The following AP4E1 variants were observed in gnomAD, a reference collection of about 807,000 sequenced individuals.
The protein encoded by AP4E1 is AP-4 complex subunit epsilon-1.
Under a neutral mutation model 128.2 loss-of-function variants are expected in AP4E1, and 56 were observed. The observed-to-expected ratio is 0.44, with a 90% confidence interval of 0.35 to 0.55. The LOEUF is 0.55. Among genes scored for constraint, AP4E1 ranks in the 20% least tolerant of loss-of-function variants. AP4E1 has a pLI of 0.00. For synonymous variants in AP4E1, 484 were observed against 473.1 expected, an observed-to-expected ratio of 1.02 and a Z score of -0.30; for missense variants, 1,324 against 1,307.7, an observed-to-expected ratio of 1.01 and a Z score of -0.19.
chr15:50,993,911 C>G (rs904725975), intron 17 of AP4E1, among the ~76,000 whole-genome samples: 5 of 152,154 alleles, frequency 3.3e-5, no homozygotes, highest in Non-Finnish European at 7.3e-5. Flanking sequence ...CACAGCCACT[C>G]TCACCCCTGT....
At chr15:50,929,600 G>A (rs182558671) in intron 6 of AP4E1, among the ~76,000 whole-genome samples, 2 of 152,188 alleles carry the variant, frequency 1.3e-5, no homozygotes, top group East Asian at 1.9e-4. Flanking sequence ...AGGGTTGAAT[G>A]TTATGGTAAA....
At position 51,002,764 on chromosome 15, in the gene AP4E1, G is replaced by A; in HGVS notation, c.*102G>A. On this transcript the variant is annotated 3_prime_UTR_variant, in exon 21 of 21. Transcript: ENST00000261842. Reference sequence around the variant, plus strand: ...CTCATGGTACTTCTAATGAAAATGGGGATTATTACAAGTGTGGTTTATATG... The same window carrying A: ...CTCATGGTACTTCTAATGAAAATGGAGATTATTACAAGTGTGGTTTATATG... 1 of 1,386,982 alleles carries A rather than the reference G, an allele frequency of 7.2e-7. No homozygotes were observed. The highest frequency in any genetic ancestry group is 1.0e-6 in the Non-Finnish European group (1 of 997,652). The allele number at this position is 1,386,982 out of a possible 1,614,324, so 85.9% of individuals were successfully genotyped here. A position where few individuals can be genotyped will look rare whatever the true frequency, so the allele number is the denominator to read the frequency against.
chr15:50,953,633 G>A (rs1050758147), intron 13 of AP4E1, among the ~76,000 whole-genome samples: 1 of 152,164 alleles, frequency 6.6e-6, no homozygotes, highest in Admixed American at 6.5e-5. Context: ...TTATATTGTA[G>A]TAAACCTTTA....
chr15:50,955,628 T>C (rs538892827), intron 13 of AP4E1, among the ~76,000 whole-genome samples: 39 of 152,322 alleles, frequency 2.6e-4, no homozygotes, highest in African/African-American at 8.7e-4. Context: ...GGGAAAATCC[T>C]GACTCCATCA....
rs532813237 is a variant in AP4E1 at position 50,912,811 on chromosome 15, C to T, written c.222+662C>T. ...CTGAGTAACTGGGACTACAGGTGCC[C>T]GCCACCATGCCTGGCTAATTTTTGT... On this transcript the variant is annotated intron_variant, in intron 2 of 20. Transcript: ENST00000261842. 2.6e-5 allele frequency among the ~76,000 whole-genome samples: 4 copies of T among 152,066 alleles called. No homozygotes were observed. The East Asian group carries it at 7.7e-4, about 29-fold the overall frequency.
At chr15:50,912,829 A>G (rs1377872058) in intron 2 of AP4E1, among the ~76,000 whole-genome samples, 1 of 151,950 alleles carries the variant, frequency 6.6e-6, no homozygotes, top group Non-Finnish European at 1.5e-5. Context: ...TGCCTGGCTA[A>G]TTTTTGTATT....
At chr15:50,908,050 C>A (rs1351544472), upstream of AP4E1, among the ~76,000 whole-genome samples, 2 of 152,194 alleles carry the variant, frequency 1.3e-5, no homozygotes, top group Middle Eastern at 3.2e-3. Flanking sequence ...CTGCGACCTG[C>A]TGAGGAGGAG....
intron 16 of AP4E1, among the ~76,000 whole-genome samples, chr15:50,989,246 A>G (rs1000512515): frequency 8.5e-5 from 13 of 152,196 alleles, no homozygotes; most frequent in African/African-American, 2.4e-4. Context: ...TAATGGCCGC[A>G]TTGTTGGAAT....
At chr15:50,936,631 T>C (rs2063911584) in intron 8 of AP4E1, among the ~76,000 whole-genome samples, 1 of 152,170 alleles carries the variant, frequency 6.6e-6, no homozygotes, top group South Asian at 2.1e-4. Flanking sequence ...TTTTCCAGAA[T>C]GACCCTTTTA....
At chr15:50,964,165 A>C (rs1309392406) in intron 14 of AP4E1, among the ~76,000 whole-genome samples, 1 of 152,192 alleles carries the variant, frequency 6.6e-6, no homozygotes, top group East Asian at 1.9e-4. Flanking sequence ...GTTGTCTCAT[A>C]TGTCATGTAT....
chr15:50,958,461 C>G (rs1171255101), intron 13 of AP4E1, 31 bp from the exon 14 acceptor site: 1 of 1,559,858 alleles, frequency 6.4e-7, no homozygotes, highest in East Asian at 2.3e-5. Context: ...CTTGATATTT[C>G]TATATGAATA....
At chr15:50,921,704 G>A (rs940003819) in intron 3 of AP4E1, among the ~76,000 whole-genome samples, 5 of 152,188 alleles carry the variant, frequency 3.3e-5, no homozygotes, top group African/African-American at 1.2e-4. Flanking sequence ...ATAAGTCATA[G>A]AGCAGATAAA....
chr15:50,925,257 T>C (rs763911992), intron 5 of AP4E1, 38 bp downstream of exon 5: 12 of 1,594,302 alleles, frequency 7.5e-6, no homozygotes, highest in African/African-American at 1.3e-5. Context: ...CTATGCCATA[T>C]ATTTCAAAAC....
At chr15:50,935,442 T>C (rs1015738174) in intron 8 of AP4E1, among the ~76,000 whole-genome samples, 6 of 152,046 alleles carry the variant, frequency 3.9e-5, no homozygotes, top group African/African-American at 1.2e-4. Flanking sequence ...GGTAGAAAAC[T>C]GAGAAAGTAG....
At chr15:50,970,570 T>C (rs2064464745) in intron 15 of AP4E1, among the ~76,000 whole-genome samples, 1 of 152,252 alleles carries the variant, frequency 6.6e-6, no homozygotes, top group Admixed American at 6.5e-5. Context: ...ATATTTATAA[T>C]TGTTATATTC....
intron 15 of AP4E1, among the ~76,000 whole-genome samples, chr15:50,982,584 C>T (rs962331896): frequency 2.0e-5 from 3 of 152,136 alleles, no homozygotes; most frequent in Admixed American, 2.0e-4. Context: ...AAACTGTTGA[C>T]GTAGTTTGAA....
At chr15:50,993,661 T>C (rs1173204811) in intron 17 of AP4E1, 36 bp downstream of exon 17, 1 of 1,612,922 alleles carries the variant, frequency 6.2e-7, no homozygotes. Context: ...AGAATCTTTG[T>C]CATCTGTCTG....
Position 50,958,794 on chromosome 15 carries a change from G to GGTAA in AP4E1, c.1851+2_1851+5dup, listed in dbSNP as rs778162120. 6.9e-5 allele frequency: 111 copies of GGTAA among 1,613,994 alleles called. No individual in the cohort carries two copies. In the South Asian group the frequency reaches 7.0e-4, roughly 10 times the overall value. On this transcript the variant is annotated frameshift_variant and splice_region_variant. Transcript: ENST00000261842. LOFTEE classifies it high-confidence loss of function. ...TTGACAGGAGTTGTGAAGACTTGGTGGTAAGACATTGGTGTTCCATCTTTT... is the reference window on the plus strand; with the variant it reads ...TTGACAGGAGTTGTGAAGACTTGGTGGTAAGTAAGACATTGGTGTTCCATCTTTT...
chr15:50,917,374 G>A (rs2614792), intron 3 of AP4E1, among the ~76,000 whole-genome samples: 1 of 151,654 alleles, frequency 6.6e-6, no homozygotes, highest in Non-Finnish European at 1.5e-5. Flanking sequence ...TCTTTTCATC[G>A]CATTTCTTTT....
Sources: gnomAD v4.1 joint callset for allele counts (sites outside exome capture counted in the v4.1 genomes callset) on GRCh38, gnomAD v4.1.1 for gene constraint, MANE v1.5 for transcripts, NCBI Gene and HGNC (gene_info 2026-07-23, HGNC 2026-07-21) for gene names.